Variants in C11orf16 observed in about 807,000 individuals in gnomAD.
The protein encoded by C11orf16 is uncharacterized protein C11orf16.
In C11orf16, 38 loss-of-function variants were observed where a neutral mutation model predicts 45.1. That is an observed-to-expected ratio of 0.84 (90% CI 0.65 to 1.10). The LOEUF is 1.10. C11orf16 is among the 50% of genes least tolerant of loss of function. C11orf16 has a pLI of 0.00. For missense variants in C11orf16, 583 were observed against 569.5 expected (o/e 1.02, Z -0.24); for synonymous variants, 221 against 222.0 (o/e 1.00, Z 0.04).
At chr11:8,926,789 C>A (rs887993614) in intron 4 of C11orf16, 151 bp downstream of exon 4, 5 of 605,692 alleles carry the variant, frequency 8.3e-6, no homozygotes, top group Non-Finnish European at 1.5e-5. Context: ...CTGTTGCTGC[C>A]CTCAAGATTA....
intron 5 of C11orf16, 121 bp from the exon 6 acceptor site, chr11:8,921,636 ATG>A (rs2064574962): frequency 6.2e-6 from 6 of 961,050 alleles, no homozygotes; most frequent in Non-Finnish European, 9.5e-6. Flanking sequence ...TTCATTTATT[ATG>A]TATTTGAGAC....
rs1302996831 is a variant in C11orf16 at position 8,925,966 on chromosome 11, G to T, written c.701C>A (p.Pro234His). Reference protein sequence around the residue: ...RLHKSFTREHPRPLHWAPCCS... With the variant: ...RLHKSFTREHHRPLHWAPCCS... The stretch of plus-strand genomic sequence containing the variant: ...GCAAGGGGCCCAGTGAAGGGGCCTG[G>T]GGTGCTCCCTGGTGAAAGACTTGTG... The change falls in exon 5 of 7, where the codon CCC becomes CAC. Residue 234 changes from proline (P) to histidine (H), a missense_variant. Transcript: ENST00000326053. 1 of 1,614,068 alleles carries T rather than the reference G, an allele frequency of 6.2e-7. No individual in the cohort carries two copies. The highest frequency in any genetic ancestry group is 8.5e-7 in the Non-Finnish European group (1 of 1,180,012).
At chr11:8,926,178 T>G (rs897756747) in intron 4 of C11orf16, 71 bp from the exon 5 acceptor site, 2 of 1,341,630 alleles carry the variant, frequency 1.5e-6, no homozygotes, top group Non-Finnish European at 2.0e-6. Context: ...TTTTCTTTTT[T>G]TCTTTTCTTT....
At chr11:8,927,604 C>A in intron 3 of C11orf16, 1 of 457,452 alleles carries the variant, frequency 2.2e-6, no homozygotes, top group Non-Finnish European at 4.4e-6. Flanking sequence ...GTGTCCAAGA[C>A]CAACAGGATG....
chr11:8,925,401 G>A, intron 5 of C11orf16, 62 bp downstream of exon 5: 1 of 1,442,222 alleles, frequency 6.9e-7, no homozygotes, highest in East Asian at 2.3e-5. Flanking sequence ...GGACATGTGG[G>A]AGGGAAGGGA....
chr11:8,932,573 T>C (rs1240948093), intron 1 of C11orf16, among the ~76,000 whole-genome samples: 1 of 152,074 alleles, frequency 6.6e-6, no homozygotes, highest in Non-Finnish European at 1.5e-5. Flanking sequence ...CAGCTTTAAA[T>C]CCTCCCCTAC....
In C11orf16 at chr11:8,925,995, C is replaced by A. The variant is rs2134834210; in HGVS notation, c.672G>T (p.Arg224Ser). The A allele has an allele frequency of 1.9e-6, 3 of 1,614,112 alleles. No individual in the cohort carries two copies. In the East Asian group the frequency reaches 6.7e-5, roughly 36 times the overall value. Reference sequence around the variant, plus strand: ...GCTCCCTGGTGAAAGACTTGTGCAGCCTCTCCACAGCCTTCTTCCAGATGG... The same window carrying A: ...GCTCCCTGGTGAAAGACTTGTGCAGACTCTCCACAGCCTTCTTCCAGATGG... The part of the protein sequence containing the change: ...SLTIWKKAVE[R>S]LHKSFTREHP... Residue 224 changes from arginine to serine, a missense_variant, in exon 5 of 7, where the codon AGG (arginine) becomes AGT (serine). Coordinates refer to ENST00000326053, the MANE Select transcript of C11orf16 (RefSeq NM_020643.3).
In C11orf16 at chr11:8,927,052, T is replaced by C. The variant is rs35011984; in HGVS notation, c.447A>G (p.Val149=). ...EEDVIPLSPS[V]GYSLRPGDKV... is the part of the protein sequence containing the mutation. ...TATCCCCTGGTCTCAGTGAGTATCC[T>C]ACAGATGGTGAGAGAGGAATGACAT... The change falls in exon 4 of 7, where the codon GTA becomes GTG. Residue 149 remains valine, a synonymous_variant. Transcript: ENST00000326053. 8.9e-5 allele frequency: 143 copies of C among 1,614,134 alleles called. 2 individuals carry two copies. In the African/African-American group the frequency reaches 1.8e-3, roughly 20 times the overall value.
At chr11:8,931,139 C>T (rs373330185) in intron 2 of C11orf16, among the ~76,000 whole-genome samples, 3 of 151,982 alleles carry the variant, frequency 2.0e-5, no homozygotes, top group East Asian at 1.9e-4. Context: ...GGAGGGGTAC[C>T]GAGGGAACCT....
At chr11:8,923,545 A>G (rs1022507770) in intron 5 of C11orf16, among the ~76,000 whole-genome samples, 1 of 151,972 alleles carries the variant, frequency 6.6e-6, no homozygotes, top group Non-Finnish European at 1.5e-5. Flanking sequence ...ATGGTGCCAA[A>G]CTCTAGAGTT....
At chr11:8,929,786 C>T (rs1160125114) in intron 2 of C11orf16, among the ~76,000 whole-genome samples, 1 of 152,146 alleles carries the variant, frequency 6.6e-6, no homozygotes, top group Non-Finnish European at 1.5e-5. Flanking sequence ...AAATGTAATT[C>T]GCCTTGATAC....
chr11:8,921,882 C>T (rs1041219636), intron 5 of C11orf16, among the ~76,000 whole-genome samples: 2 of 152,186 alleles, frequency 1.3e-5, no homozygotes, highest in African/African-American at 4.8e-5. Flanking sequence ...CTCAAGAGAT[C>T]CTCCAGCCTC....
intron 5 of C11orf16, among the ~76,000 whole-genome samples, chr11:8,923,604 A>G (rs2064588840): frequency 6.6e-6 from 1 of 151,980 alleles, no homozygotes; most frequent in Non-Finnish European, 1.5e-5. Flanking sequence ...GGAGAAAGAA[A>G]CCGGCATTTC....
chr11:8,925,748 G>T lies in C11orf16; in HGVS notation c.919C>A (p.Pro307Thr). 1 of 1,614,252 alleles carries T rather than the reference G, an allele frequency of 6.2e-7. No homozygotes were observed. Among genetic ancestry groups the T allele is most frequent in the South Asian group, 1.1e-5 (1 of 91,088 alleles). Reference protein sequence around the residue: ...RTSEVMARELPELEPTAQLLP... With the variant: ...RTSEVMARELTELEPTAQLLP... ...AGCTGTGCTGTGGGCTCCAACTCTG[G>T]AAGTTCTCTGGCCATGACTTCTGAG... The change falls in exon 5 of 7, where the codon CCA (proline) becomes ACA (threonine). Residue 307 changes from proline to threonine, a missense_variant. Coordinates refer to ENST00000326053, the MANE Select transcript of C11orf16 (RefSeq NM_020643.3).
At chr11:8,920,674 A>G (rs1289153320) in intron 6 of C11orf16, among the ~76,000 whole-genome samples, 1 of 152,170 alleles carries the variant, frequency 6.6e-6, no homozygotes, top group Non-Finnish European at 1.5e-5. Flanking sequence ...TAAAAAATTT[A>G]GTCAGGTGTG....
chr11:8,923,870 C>G (rs2134831872), intron 5 of C11orf16, among the ~76,000 whole-genome samples: 1 of 139,712 alleles, frequency 7.2e-6, no homozygotes, highest in East Asian at 2.6e-4. Flanking sequence ...ACCCCCCGGC[C>G]TCCCAAAGTG....
intron 6 of C11orf16, among the ~76,000 whole-genome samples, chr11:8,920,745 T>C (rs1158731713): frequency 6.6e-6 from 1 of 152,170 alleles, no homozygotes; most frequent in East Asian, 1.9e-4. Flanking sequence ...GGCGGCTCAC[T>C]TGAGCCCAGG....
rs780875774 is a variant in C11orf16 at position 8,932,141 on chromosome 11, C to T, written c.167+1G>A. The T allele has an allele frequency of 1.9e-6, 3 of 1,575,220 alleles. No homozygotes were observed. Among genetic ancestry groups the T allele is most frequent in the Admixed American group, 1.9e-5 (1 of 52,502 alleles). ...TCCCCCAGAGGGGCAGAGACAGGTACCTTGCAAGGGGCTTGTGCCCGGTGA... is the reference window on the plus strand; with the variant it reads ...TCCCCCAGAGGGGCAGAGACAGGTATCTTGCAAGGGGCTTGTGCCCGGTGA... On this transcript the variant is annotated splice_donor_variant, in intron 2 of 6. Coordinates refer to ENST00000326053, the MANE Select transcript of C11orf16 (RefSeq NM_020643.3). LOFTEE classifies it high-confidence loss of function.
intron 5 of C11orf16, among the ~76,000 whole-genome samples, chr11:8,923,709 TTC>T (rs1167791094): frequency 6.6e-6 from 1 of 152,060 alleles, no homozygotes; most frequent in Non-Finnish European, 1.5e-5. Context: ...CTTCAACTGA[TTC>T]TCATACCTCA....
Sources: allele counts gnomAD v4.1 joint callset (sites outside exome capture counted in the v4.1 genomes callset), GRCh38; gene constraint gnomAD v4.1.1; transcripts MANE v1.5; gene names NCBI Gene and HGNC (gene_info 2026-07-23, HGNC 2026-07-21).